The following BSCL2 variants were observed in gnomAD, a reference collection of about 807,000 sequenced individuals.
BSCL2 encodes BSCL2 lipid droplet biogenesis associated, seipin.
A neutral mutation model predicts 57.4 loss-of-function variants in BSCL2; 41 were observed. The observed-to-expected ratio is 0.71, with a 90% CI of 0.56 to 0.93. BSCL2 has a LOEUF of 0.93. BSCL2 is among the 40% of genes least tolerant of loss of function. The probability of loss-of-function intolerance (pLI) is 0.00; values close to 1 mark genes in which losing one functional copy is unlikely to be tolerated. For missense variants in BSCL2, 539 were observed against 586.7 expected, an observed-to-expected ratio of 0.92 and a Z score of 0.84; for synonymous variants, 237 against 227.3, an observed-to-expected ratio of 1.04 and a Z score of -0.38.
At chr11:62,705,062 G>A (rs948947374) in intron 2 of BSCL2, among the ~76,000 whole-genome samples, 15 of 150,174 alleles carry the variant, frequency 1.0e-4, no homozygotes, top group Admixed American at 9.3e-4. Context: ...AATGATAGAA[G>A]TGGATATTTT....
chr11:62,691,813 G>A (rs1325508797), intron 6 of BSCL2, among the ~76,000 whole-genome samples: 1 of 152,180 alleles, frequency 6.6e-6, no homozygotes, highest in Admixed American at 6.5e-5. Flanking sequence ...CACTTTGGGA[G>A]GCCAAGGTGG....
upstream of BSCL2, chr11:62,708,662 C>T (rs1474893381): frequency 1.9e-6 from 3 of 1,613,400 alleles, no homozygotes; most frequent in Non-Finnish European, 1.7e-6. Flanking sequence ...CAATACCCTT[C>T]CTGGCTGTGT....
rs897445414 is a variant in BSCL2 at position 62,696,315 on chromosome 11, A to G, written c.487-1604T>C. On this transcript the variant is annotated intron_variant, in intron 3 of 10. Transcript: ENST00000360796. Reference sequence around the variant, plus strand: ...GTGTGTGTGTGTGTGTGTGTGTGTGAAGACAAGGTCTTGCTCTGTCACAGG... The same window carrying G: ...GTGTGTGTGTGTGTGTGTGTGTGTGGAGACAAGGTCTTGCTCTGTCACAGG... 2.2e-4 allele frequency among the ~76,000 whole-genome samples: 6 copies of G among 27,084 alleles called. No individual in the cohort carries two copies. In the South Asian group the frequency reaches 7.2e-3, roughly 32 times the overall value. The allele number at this position is 27,084 out of a possible 152,430, so 17.8% of individuals were successfully genotyped here.
upstream of BSCL2, chr11:62,708,275 G>A (rs1196620339): frequency 1.3e-6 from 2 of 1,513,954 alleles, no homozygotes; most frequent in Admixed American, 3.3e-5. Flanking sequence ...TGTGCTCTGA[G>A]AGGTCCCTCT....
chr11:62,704,513 T>C (rs188620168), intron 2 of BSCL2, among the ~76,000 whole-genome samples: 191 of 151,496 alleles, frequency 1.3e-3, no homozygotes, highest in African/African-American at 4.5e-3. Flanking sequence ...ACCACTGCAC[T>C]CCAGCCTGGG....
upstream of BSCL2, chr11:62,707,574 G>T: frequency 1.7e-6 from 1 of 582,092 alleles, no homozygotes; most frequent in Non-Finnish European, 3.1e-6. Context: ...TGGGGGAGGG[G>T]CAGGCAGTGA....
intron 6 of BSCL2, 63 bp downstream of exon 6, chr11:62,692,313 C>T (rs1444539770): frequency 4.0e-5 from 61 of 1,542,028 alleles, no homozygotes; most frequent in Non-Finnish European, 5.2e-5. Flanking sequence ...GCTTGGGACC[C>T]TCTTGGTGGA....
chr11:62,697,346 G>A (rs1364729671), intron 3 of BSCL2: 9 of 131,910 alleles, frequency 6.8e-5, no homozygotes, highest in African/African-American at 2.3e-4. Context: ...AGTGAGCCGA[G>A]ATCATGTCAC....
intron 1 of BSCL2, chr11:62,705,839 A>C: frequency 1.8e-6 from 1 of 551,204 alleles, no homozygotes. Context: ...CCTCAGTGGA[A>C]TTCCTTCTCC....
intron 3 of BSCL2, among the ~76,000 whole-genome samples, chr11:62,695,772 C>A (rs952978443): frequency 1.3e-5 from 2 of 151,358 alleles, no homozygotes; most frequent in Non-Finnish European, 2.9e-5. Flanking sequence ...TAGTGAACTA[C>A]CTCCAAAACA....
intron 3 of BSCL2, among the ~76,000 whole-genome samples, chr11:62,698,453 C>A (rs1292310622): frequency 3.3e-5 from 5 of 152,196 alleles, no homozygotes; most frequent in Non-Finnish European, 7.3e-5. Context: ...CCGCCTCGGC[C>A]TCCCAAAGTG....
intron 6 of BSCL2, 129 bp downstream of exon 6, chr11:62,692,247 A>G: frequency 1.1e-6 from 1 of 906,912 alleles, no homozygotes; most frequent in South Asian, 1.4e-5. Flanking sequence ...CAGCTTTGAG[A>G]CCCTCTGGCC....
In BSCL2 at chr11:62,691,325, C is replaced by A. The variant is rs1158119987; in HGVS notation, c.960G>T (p.Gln320His). The change falls in exon 7 of 11, where the codon CAG becomes CAT. Residue 320 changes from glutamine (Q) to histidine (H), a missense_variant. Around this residue, in one of 3 missense-constraint regions of BSCL2, gnomAD observed 248 missense variants for 239.9 expected, o/e 1.03. Coordinates refer to ENST00000360796, the MANE Select transcript of BSCL2 (RefSeq NM_001122955.4). ...LSVIVLFSYM[Q>H]WVWGGIWPRH... is the part of the protein sequence containing the mutation. ...GGGGCCAGATGCCCCCCCACACCCA[C>A]TGCATGTAGCTGAAGAGCACGATGA... is the stretch of plus-strand genomic sequence containing the variant. 6.2e-7 allele frequency: 1 copy of A among 1,614,054 alleles called. No individual in the cohort carries two copies. The highest frequency in any genetic ancestry group is 1.3e-5 in the African/African-American group (1 of 74,920).
chr11:62,705,552 T>C lies in BSCL2; in HGVS notation c.153A>G (p.Ala51=). 3 of 1,606,734 alleles carry C rather than the reference T, an allele frequency of 1.9e-6. No individual in the cohort carries two copies. Among genetic ancestry groups the C allele is most frequent in the South Asian group, 2.2e-5 (2 of 90,494 alleles). ...WRPGGRAARN[A]RPEPGARHPA... Reference sequence around the variant, plus strand: ...GGTGTCTGGCCCCAGGTTCAGGCCTTGCGTTCCTAGCTGCTCTGCCACCTG... The same window carrying C: ...GGTGTCTGGCCCCAGGTTCAGGCCTCGCGTTCCTAGCTGCTCTGCCACCTG... Residue 51 remains alanine, a synonymous_variant, in exon 2 of 11, where the codon GCA becomes GCG. Transcript: ENST00000360796.
At chr11:62,702,981 T>C (rs1419704614) in intron 2 of BSCL2, among the ~76,000 whole-genome samples, 2 of 151,932 alleles carry the variant, frequency 1.3e-5, no homozygotes, top group Non-Finnish European at 2.9e-5. Context: ...AGACACCCCA[T>C]CTCTACTAAA....
In BSCL2 at chr11:62,694,725, C is replaced by T. The variant is rs189771133; in HGVS notation, c.487-14G>A. 236 of 1,613,476 alleles carry T rather than the reference C, an allele frequency of 1.5e-4. No individual in the cohort carries two copies. The African/African-American group carries it at 3.0e-3, about 20-fold the overall frequency. On this transcript the variant is annotated splice_polypyrimidine_tract_variant and intron_variant, in intron 3 of 10. Coordinates refer to ENST00000360796, the MANE Select transcript of BSCL2 (RefSeq NM_001122955.4). ...ATACATCAGCACCTGCCAAAGGTAG[C>T]CCCCATTTCTTTAAAAAAATTTTTT... is the stretch of plus-strand genomic sequence containing the variant.
intron 2 of BSCL2, among the ~76,000 whole-genome samples, chr11:62,702,754 T>C (rs1424140856): frequency 6.7e-6 from 1 of 150,300 alleles, no homozygotes; most frequent in East Asian, 1.9e-4. Context: ...GACTTCAATG[T>C]ATGTCCTCTC....
chr11:62,691,701 A>G (rs1565143876), intron 6 of BSCL2, among the ~76,000 whole-genome samples: 1 of 152,118 alleles, frequency 6.6e-6, no homozygotes, highest in African/African-American at 2.4e-5. Flanking sequence ...CAACGGTTCA[A>G]AAGAGTAGCT....
chr11:62,701,207 TCATTTAGGTCTAAAA>T (rs1945627772), intron 3 of BSCL2, among the ~76,000 whole-genome samples: 1 of 152,208 alleles, frequency 6.6e-6, no homozygotes, highest in Non-Finnish European at 1.5e-5. Flanking sequence ...GCTCATTTGT[TCATTTAGGTCTAAAA>T]CATTGCTTAC....
Sources: gnomAD v4.1 joint callset for allele counts (sites outside exome capture counted in the v4.1 genomes callset) on GRCh38, gnomAD v4.1.1 for gene constraint, gnomAD v4.1.1 regional missense constraint, MANE v1.5 for transcripts, NCBI Gene and HGNC (gene_info 2026-07-23, HGNC 2026-07-21) for gene names.